WBP2NL: variants seen among roughly 807,000 people sequenced by gnomAD.
WBP2NL encodes postacrosomal sheath WW domain-binding protein.
Under a neutral mutation model 23.3 loss-of-function variants are expected in WBP2NL, and 27 were observed. That is an observed-to-expected ratio of 1.16 (90% CI 0.85 to 1.60). The LOEUF (loss-of-function observed/expected upper bound fraction) is 1.60, where lower values mean the gene tolerates loss of function less well. Among genes scored for constraint, WBP2NL ranks in the 40% most tolerant of loss-of-function variants. The pLI, the probability that WBP2NL is intolerant of heterozygous loss-of-function variation, is 0.00. For missense variants in WBP2NL, 370 were observed against 389.5 expected (o/e 0.95, Z 0.42); for synonymous variants, 151 against 145.9 (o/e 1.03, Z -0.25).
At position 42,027,730 on chromosome 22, in the gene WBP2NL, A is replaced by G. The variant is rs1924642765; in HGVS notation, c.*549A>G. ...CAAAACCAACAAATAAAAGCATGAT[A>G]AATTGACTATATCAAAATTTAAAAC... On this transcript the variant is annotated 3_prime_UTR_variant, in exon 6 of 6. Transcript: ENST00000328823. 2.7e-6 allele frequency: 1 copy of G among 369,514 alleles called. No homozygotes were observed. Among genetic ancestry groups the G allele is most frequent in the African/African-American group, 2.1e-5 (1 of 48,128 alleles). 22.9% of individuals were successfully genotyped at this position (369,514 alleles called of 1,614,324 possible).
chr22:42,047,987 C>T (rs183894087), intron 8 of WBP2NL, among the ~76,000 whole-genome samples: 1 of 151,958 alleles, frequency 6.6e-6, no homozygotes, highest in Non-Finnish European at 1.5e-5. Flanking sequence ...AACATAGATG[C>T]AAAAATCCTC....
intron 1 of WBP2NL, among the ~76,000 whole-genome samples, chr22:41,999,804 A>G (rs1213101111): frequency 5.3e-5 from 8 of 152,204 alleles, no homozygotes; most frequent in Admixed American, 2.0e-4. Context: ...CCTGGGCACA[A>G]CAAAGCACTG....
At chr22:42,019,522 G>T in intron 2 of WBP2NL, 103 bp downstream of exon 2, 1 of 1,535,274 alleles carries the variant, frequency 6.5e-7, no homozygotes, top group Non-Finnish European at 8.9e-7. Flanking sequence ...TTAAACGTGC[G>T]CTTTGGGATT....
chr22:42,019,571 C>G (rs1280554573), intron 2 of WBP2NL, 91 bp from the exon 3 acceptor site: 8 of 1,562,156 alleles, frequency 5.1e-6, no homozygotes, highest in Non-Finnish European at 7.0e-6. Context: ...GATGATGTTT[C>G]TCAGTTAGAC....
chr22:42,015,815 A>T (rs1012250413), intron 1 of WBP2NL, among the ~76,000 whole-genome samples: 1 of 152,068 alleles, frequency 6.6e-6, no homozygotes. Flanking sequence ...CTGGACATGT[A>T]TGTGTATGGC....
In WBP2NL at chr22:42,019,282, GTGTGCCGTCTGT is replaced by G; in HGVS notation, c.63-27_63-16del. 6.4e-7 allele frequency: 1 copy of G among 1,556,948 alleles called. No homozygotes were observed. Among genetic ancestry groups the G allele is most frequent in the South Asian group, 1.2e-5 (1 of 86,060 alleles). ...TGTCATTTTACATACATTCTTTATT[GTGTGCCGTCTGT>G]TCCTCATTTTCTACAGTCTCTTGAA... On this transcript the variant is annotated splice_polypyrimidine_tract_variant and intron_variant, in intron 1 of 5. Transcript: ENST00000328823.
intron 8 of WBP2NL, among the ~76,000 whole-genome samples, chr22:42,045,630 G>T (rs539785284): frequency 6.6e-6 from 1 of 152,194 alleles, no homozygotes; most frequent in Admixed American, 6.5e-5. Context: ...AGATGAAATG[G>T]ACTAATTCCT....
downstream of WBP2NL, among the ~76,000 whole-genome samples, chr22:42,036,406 C>T (rs1925183793): frequency 6.6e-6 from 1 of 152,176 alleles, no homozygotes; most frequent in Non-Finnish European, 1.5e-5. Flanking sequence ...GATCTCTTGG[C>T]CTTGTGATCT....
At chr22:42,025,075 G>A (rs1446739911) in intron 5 of WBP2NL, among the ~76,000 whole-genome samples, 1 of 152,204 alleles carries the variant, frequency 6.6e-6, no homozygotes, top group Non-Finnish European at 1.5e-5. Context: ...TTACAGGTGT[G>A]AACAACTGTG....
rs534143353 is a variant in WBP2NL, at chr22:42,016,875, T to C, written c.63-2436T>C. 4.2e-4 allele frequency among the ~76,000 whole-genome samples: 64 copies of C among 152,384 alleles called. 1 individual carries two copies. The highest frequency in any genetic ancestry group is 8.5e-4 in the Admixed American group (13 of 15,304). ...TATGTGACTTTCCTGTTGAGAAATC[T>C]GAAGCTCACAGTTTCTCCTTGCCTA... On this transcript the variant is annotated intron_variant, in intron 1 of 5. Coordinates refer to ENST00000328823, the MANE Select transcript of WBP2NL (RefSeq NM_152613.3).
intron 1 of WBP2NL, among the ~76,000 whole-genome samples, chr22:42,008,558 A>T (rs1216571173): frequency 6.6e-6 from 1 of 151,826 alleles, no homozygotes; most frequent in Non-Finnish European, 1.5e-5. Context: ...GTGATGTCTC[A>T]TTGTGGTTTT....
intron 1 of WBP2NL, among the ~76,000 whole-genome samples, chr22:42,011,582 C>T (rs1289806884): frequency 6.6e-6 from 1 of 151,936 alleles, no homozygotes; most frequent in Non-Finnish European, 1.5e-5. Context: ...ATTCAATTTC[C>T]TTACTAGTTA....
At chr22:42,015,456 G>A (rs1204963481) in intron 1 of WBP2NL, among the ~76,000 whole-genome samples, 2 of 151,950 alleles carry the variant, frequency 1.3e-5, no homozygotes, top group Non-Finnish European at 2.9e-5. Flanking sequence ...AGGCTGGAGT[G>A]CAATGGCATG....
intron 1 of WBP2NL, among the ~76,000 whole-genome samples, chr22:42,015,895 C>A (rs983209163): frequency 6.6e-6 from 1 of 152,172 alleles, no homozygotes; most frequent in Non-Finnish European, 1.5e-5. Flanking sequence ...CATTGCTCAT[C>A]CTTTCCTTTA....
At chr22:41,999,137 A>T (rs1921269100) in intron 1 of WBP2NL, among the ~76,000 whole-genome samples, 1 of 146,020 alleles carries the variant, frequency 6.8e-6, no homozygotes, top group South Asian at 2.3e-4. Flanking sequence ...CGCGGGGCCC[A>T]GACGCATGTC....
At chr22:42,055,245 T>C (rs1925987575) in intron 8 of WBP2NL, among the ~76,000 whole-genome samples, 1 of 152,142 alleles carries the variant, frequency 6.6e-6, no homozygotes, top group African/African-American at 2.4e-5. Flanking sequence ...GGCGCGATCT[T>C]GGCTCACTAC....
chr22:42,043,830 G>A (rs913994008), intron 8 of WBP2NL, among the ~76,000 whole-genome samples: 3 of 151,918 alleles, frequency 2.0e-5, no homozygotes, highest in Non-Finnish European at 2.9e-5. Context: ...AGGTTCAAGC[G>A]ATTCTCCTGC....
chr22:42,057,898 T>C (rs1366149181), intron 8 of WBP2NL, among the ~76,000 whole-genome samples: 2 of 26,150 alleles, frequency 7.6e-5, no homozygotes, highest in African/African-American at 3.4e-4. Flanking sequence ...TATATATATA[T>C]ATATTTTTTT....
rs769131804 is a variant in WBP2NL, at chr22:41,998,801, C to T, written c.-18C>T. 1.2e-6 allele frequency: 2 copies of T among 1,605,620 alleles called. No homozygotes were observed. Among genetic ancestry groups the T allele is most frequent in the African/African-American group, 2.7e-5 (2 of 74,572 alleles). On this transcript the variant is annotated 5_prime_UTR_variant, in exon 1 of 6. Coordinates refer to ENST00000328823, the MANE Select transcript of WBP2NL (RefSeq NM_152613.3). ...CCGCCCCTTTCCATCTACGGGGCGGCAGGAGGCCCGAAGCAAGATGGCGGT... is the reference window on the plus strand; with the variant it reads ...CCGCCCCTTTCCATCTACGGGGCGGTAGGAGGCCCGAAGCAAGATGGCGGT...
Sources: gnomAD v4.1 joint callset for allele counts (sites outside exome capture counted in the v4.1 genomes callset) on GRCh38, gnomAD v4.1.1 for gene constraint, MANE v1.5 for transcripts, NCBI Gene and HGNC (gene_info 2026-07-23, HGNC 2026-07-21) for gene names.